The following MAN2B2 variants were observed in gnomAD, a reference collection of about 807,000 sequenced individuals.
MAN2B2 encodes the protein epididymis-specific alpha-mannosidase.
In MAN2B2, 106 loss-of-function variants were observed where a neutral mutation model predicts 117.1. The observed-to-expected ratio is 0.90, with a 90% CI of 0.77 to 1.06. The LOEUF is 1.06. Ranked by LOEUF, MAN2B2 falls within the 50% of genes least tolerant of loss-of-function variation. MAN2B2 has a pLI of 0.00. For missense variants in MAN2B2, 1,326 were observed against 1,381.4 expected (o/e 0.96, Z 0.64); for synonymous variants, 544 against 595.1 (o/e 0.91, Z 1.25).
intron 11 of MAN2B2, 60 bp from the exon 12 acceptor site, chr4:6,609,047 C>G: frequency 6.7e-7 from 1 of 1,493,092 alleles, no homozygotes; most frequent in African/African-American, 1.4e-5. Flanking sequence ...GCTTGCCAGC[C>G]GGTGTCTGTA....
intron 18 of MAN2B2, 131 bp downstream of exon 18, chr4:6,620,175 T>A: frequency 1.4e-6 from 1 of 713,362 alleles, no homozygotes; most frequent in Non-Finnish European, 2.3e-6. Flanking sequence ...TTTCCTACTC[T>A]GAACCCGCAG....
chr4:6,621,380 A>ACT lies in MAN2B2; in HGVS notation c.*96_*97dup. 1.0e-6 allele frequency: 1 copy of ACT among 960,002 alleles called. No individual in the cohort carries two copies. Among genetic ancestry groups the ACT allele is most frequent in the Non-Finnish European group, 1.5e-6 (1 of 645,770 alleles). 59.5% of individuals were successfully genotyped at this position (960,002 alleles called of 1,614,324 possible). ...GGGAAAAGCAGTGCGGAGGGATGGG[A>ACT]CTGGGGAGTCAGCTGCTCATCTGCA... is the stretch of plus-strand genomic sequence containing the variant. On this transcript the variant is annotated 3_prime_UTR_variant, in exon 19 of 19. Coordinates refer to ENST00000285599, the MANE Select transcript of MAN2B2 (RefSeq NM_015274.3).
chr4:6,592,620 G>A (rs1468323215), intron 5 of MAN2B2, among the ~76,000 whole-genome samples: 3 of 152,152 alleles, frequency 2.0e-5, no homozygotes, highest in Non-Finnish European at 2.9e-5. Context: ...AAACAGAGGT[G>A]GGAATGCTGG....
In MAN2B2 at chr4:6,598,216, A is replaced by G. The variant is rs767913160; in HGVS notation, c.1267A>G (p.Ile423Val). 1.1e-5 allele frequency: 17 copies of G among 1,613,436 alleles called. No individual in the cohort carries two copies. In the Admixed American group the frequency reaches 1.8e-4, roughly 17 times the overall value. The part of the protein sequence containing the change: ...AVSEVQHHDA[I>V]TGTESPKVRD... The stretch of plus-strand genomic sequence containing the variant: ...GCTGCAGGTCCAGCACCATGATGCC[A>G]TCACTGGGACTGAGTCCCCCAAGGT... The change falls in exon 9 of 19, where the codon ATC (isoleucine) becomes GTC (valine). Residue 423 changes from isoleucine (I) to valine (V), a missense_variant. Physicochemically the swap from Ile to Val is conservative, Grantham distance 29. Coordinates refer to ENST00000285599, the MANE Select transcript of MAN2B2 (RefSeq NM_015274.3).
intron 3 of MAN2B2, among the ~76,000 whole-genome samples, chr4:6,583,101 T>C (rs1018407593): frequency 6.6e-6 from 1 of 152,138 alleles, no homozygotes; most frequent in African/African-American, 2.4e-5. Context: ...CCTGCCTGAG[T>C]TGCAGTCTAG....
chr4:6,605,230 G>T lies in MAN2B2; in HGVS notation c.1715G>T (p.Arg572Leu). The T allele has an allele frequency of 1.9e-6, 3 of 1,614,190 alleles. No homozygotes were observed. Among genetic ancestry groups the T allele is most frequent in the Non-Finnish European group, 2.5e-6 (3 of 1,180,034 alleles). ...CAATTTGGCCGCAGGCTGAGGAGAC[G>T]CACCAGCCATGCGGGCAGGTACTTG... is the stretch of plus-strand genomic sequence containing the variant. ...TLQFGRRLRR[R>L]TSHAGRYLVP... Residue 572 changes from arginine to leucine, a missense_variant, in exon 11 of 19, where the codon CGC (arginine) becomes CTC (leucine). By Grantham distance (102) the Arg-to-Leu change is moderately radical. Coordinates refer to ENST00000285599, the MANE Select transcript of MAN2B2 (RefSeq NM_015274.3).
At chr4:6,615,875 C>T (rs922075242) in intron 16 of MAN2B2, among the ~76,000 whole-genome samples, 2 of 152,016 alleles carry the variant, frequency 1.3e-5, no homozygotes, top group African/African-American at 4.8e-5. Flanking sequence ...GTGATCTTGG[C>T]TCACTGCAAC....
rs766448044 is a variant in MAN2B2, at chr4:6,605,159, C to T, written c.1644C>T (p.Ala548=). 2.5e-6 allele frequency: 4 copies of T among 1,614,234 alleles called. No individual in the cohort carries two copies. The South Asian group carries it at 4.4e-5, about 18-fold the overall frequency. ...RHYNIRPTAG[A]QEGTQEPAAT... is the part of the protein sequence containing the mutation. The stretch of plus-strand genomic sequence containing the variant: ...ACAACATCAGACCCACTGCAGGGGC[C>T]CAAGAGGGCACCCAGGAGCCGGCTG... Residue 548 remains alanine (A), a synonymous_variant, in exon 11 of 19, where the codon GCC becomes GCT. Transcript: ENST00000285599.
chr4:6,591,888 C>T (rs895456512), intron 5 of MAN2B2, among the ~76,000 whole-genome samples: 1 of 152,200 alleles, frequency 6.6e-6, no homozygotes, highest in Non-Finnish European at 1.5e-5. Context: ...AGCATTCTCC[C>T]TGTGATACCT....
At chr4:6,613,937 G>T (rs142831289) in intron 15 of MAN2B2, among the ~76,000 whole-genome samples, 270 of 152,282 alleles carry the variant, frequency 1.8e-3, no homozygotes, top group Non-Finnish European at 2.7e-3. Flanking sequence ...TAAGCTTTGT[G>T]CCCTCTGAGC....
At position 6,620,055 on chromosome 4, in the gene MAN2B2, C is replaced by T. The variant is rs1712095488; in HGVS notation, c.2932+11C>T. The T allele has an allele frequency of 1.2e-6, 2 of 1,600,686 alleles. No individual in the cohort carries two copies. Among genetic ancestry groups the T allele is most frequent in the Non-Finnish European group, 1.7e-6 (2 of 1,173,686 alleles). On this transcript the variant is annotated intron_variant, in intron 18 of 18. Coordinates refer to ENST00000285599, the MANE Select transcript of MAN2B2 (RefSeq NM_015274.3). ...CTGGCCGCCACAGAGGTTTGGGGAC[C>T]CCCGCTTCAGCTCCCTACCCAGGAC...
At chr4:6,618,338 T>G (rs1376214462) in intron 17 of MAN2B2, 1 of 152,220 alleles carries the variant, frequency 6.6e-6, no homozygotes, top group Non-Finnish European at 1.5e-5. Context: ...ATCTGTGTAA[T>G]CCAAAAACAA....
intron 4 of MAN2B2, among the ~76,000 whole-genome samples, chr4:6,587,694 TTTTTC>T (rs1726688457): frequency 6.6e-6 from 1 of 152,000 alleles, no homozygotes; most frequent in African/African-American, 2.4e-5. Flanking sequence ...CCTTCATTTC[TTTTTC>T]TTTTCTTTTG....
At chr4:6,583,076 T>C (rs563015632) in intron 3 of MAN2B2, among the ~76,000 whole-genome samples, 23 of 152,230 alleles carry the variant, frequency 1.5e-4, no homozygotes, top group Middle Eastern at 6.8e-3. Context: ...TGTTCAGCCA[T>C]CCCCCACAGT....
chr4:6,613,613 T>G (rs1377372113), intron 15 of MAN2B2, among the ~76,000 whole-genome samples: 126 of 45,910 alleles, frequency 2.7e-3, no homozygotes, highest in Middle Eastern at 0.017. Flanking sequence ...GGGAATGGAA[T>G]GGAAGGGAGG....
At chr4:6,614,184 A>G (rs756582740) in intron 15 of MAN2B2, 34 bp from the exon 16 acceptor site, 3 of 1,605,956 alleles carry the variant, frequency 1.9e-6, no homozygotes, top group Non-Finnish European at 2.6e-6. Context: ...TTGAGCCCCA[A>G]ACCCTCTCCT....
intron 3 of MAN2B2, among the ~76,000 whole-genome samples, chr4:6,579,446 ATCACCACCACCCT>A (rs1726337203): frequency 1.6e-5 from 2 of 127,278 alleles, no homozygotes; most frequent in African/African-American, 6.1e-5. Context: ...ACCCTTCACC[ATCACCACCACCCT>A]TCACCACCAC....
chr4:6,592,689 C>T (rs1241973956), intron 5 of MAN2B2, among the ~76,000 whole-genome samples: 2 of 152,198 alleles, frequency 1.3e-5, no homozygotes, highest in African/African-American at 4.8e-5. Flanking sequence ...TACCCCGAGG[C>T]TGCACAGTGT....
intron 10 of MAN2B2, among the ~76,000 whole-genome samples, chr4:6,603,699 G>T (rs1266830510): frequency 6.6e-6 from 1 of 152,110 alleles, no homozygotes; most frequent in Non-Finnish European, 1.5e-5. Flanking sequence ...TTCCAGTAGG[G>T]GAGACAGGTG....
Sources: gnomAD v4.1 joint callset for allele counts (sites outside exome capture counted in the v4.1 genomes callset) on GRCh38, gnomAD v4.1.1 for gene constraint, MANE v1.5 for transcripts, NCBI Gene and HGNC (gene_info 2026-07-23, HGNC 2026-07-21) for gene names.